The following MICAL3 variants were observed in gnomAD, a reference collection of about 807,000 sequenced individuals.
MICAL3 encodes the protein [F-actin]-monooxygenase MICAL3.
A neutral mutation model predicts 207.4 loss-of-function variants in MICAL3; 62 were observed. The observed-to-expected ratio is 0.30, with a 90% confidence interval of 0.24 to 0.37. MICAL3 has a LOEUF of 0.37. MICAL3 is among the 10% of genes least tolerant of loss of function. MICAL3 has a pLI of 1.00. For synonymous variants in MICAL3, 1,077 were observed against 1,069.3 expected (o/e 1.01, Z -0.14); for missense variants, 2,368 against 2,635.6 (o/e 0.90, Z 2.22).
At chr22:18,020,486 G>C (rs528201051) in intron 1 of MICAL3, among the ~76,000 whole-genome samples, 15 of 151,172 alleles carry the variant, frequency 9.9e-5, no homozygotes, top group African/African-American at 3.6e-4. Context: ...GTAGTTTGTT[G>C]TTTAAAATAA....
chr22:17,845,582 C>CA lies in MICAL3; in HGVS notation c.2606-3566dup, dbSNP rs11419033. ...GGAGGCATATGGAGTTAGCCGGCTG[C>CA]AAAAAAAAAACATTCTGTGAGGTAG... On this transcript the variant is annotated intron_variant, in intron 19 of 31. Coordinates refer to ENST00000441493, the MANE Select transcript of MICAL3 (RefSeq NM_015241.3). Among the ~76,000 whole-genome samples the CA allele has an allele frequency of 7.1e-3, 1,007 of 142,700 alleles. 2 individuals are homozygous for CA. Among genetic ancestry groups the CA allele is most frequent in the East Asian group, 0.038 (186 of 4,958 alleles). 93.6% of individuals were successfully genotyped at this position (142,700 alleles called of 152,430 possible).
chr22:17,904,979 C>T lies in MICAL3; in HGVS notation c.265-140G>A, dbSNP rs73386397. The stretch of plus-strand genomic sequence containing the variant: ...CACTGCCAAGAAACCTTCACACCTA[C>T]GTGGGTCACAGCAGAGCACCTGCCA... On this transcript the variant is annotated intron_variant, in intron 2 of 31. Transcript: ENST00000441493. 2,022 of 668,408 alleles carry T rather than the reference C, an allele frequency of 3.0e-3. 31 individuals carry two copies. The African/African-American group carries it at 0.033, about 11-fold the overall frequency. The allele number at this position is 668,408 out of a possible 1,614,324, so 41.4% of individuals were successfully genotyped here. A position where few individuals can be genotyped will look rare whatever the true frequency, so the allele number is the denominator to read the frequency against.
At chr22:17,846,996 C>T (rs1924697653) in intron 19 of MICAL3, among the ~76,000 whole-genome samples, 1 of 152,216 alleles carries the variant, frequency 6.6e-6, no homozygotes, top group South Asian at 2.1e-4. Context: ...CCTAACAGGA[C>T]AACCTGCTCT....
chr22:17,840,755 GGA>G (rs1923928720), intron 20 of MICAL3: 1 of 152,396 alleles, frequency 6.6e-6, no homozygotes, highest in Non-Finnish European at 1.5e-5. Flanking sequence ...GGCACAGTGG[GGA>G]GAGTGGGGCC....
intron 19 of MICAL3, among the ~76,000 whole-genome samples, chr22:17,849,775 A>G (rs1405837569): frequency 1.5e-5 from 2 of 134,376 alleles, no homozygotes; most frequent in African/African-American, 2.9e-5. Context: ...GCTCACTGCA[A>G]CCTCCATCTA....
At chr22:17,964,497 T>C (rs1422589337) in intron 1 of MICAL3, among the ~76,000 whole-genome samples, 1 of 152,218 alleles carries the variant, frequency 6.6e-6, no homozygotes, top group Non-Finnish European at 1.5e-5. Flanking sequence ...CATGTATCAC[T>C]GACCAACCCT....
Position 17,895,303 on chromosome 22 carries a change from T to C in MICAL3, c.1430A>G (p.Asn477Ser), listed in dbSNP as rs761008920. 2.0e-5 allele frequency: 32 copies of C among 1,613,616 alleles called. No homozygotes were observed. Among genetic ancestry groups the C allele is most frequent in the African/African-American group, 2.7e-5 (2 of 74,908 alleles). The change falls in exon 10 of 32, where the codon AAC becomes AGC. Residue 477 changes from asparagine to serine, a missense_variant. Asn to Ser is a conservative substitution (Grantham distance 46). This residue lies in a region of MICAL3 where 147 missense variants were observed against 137.7 expected (regional missense o/e 1.07). Coordinates refer to ENST00000441493, the MANE Select transcript of MICAL3 (RefSeq NM_015241.3). ...PVTRYPNINV[N>S]FLRPSQVRHL... is the part of the protein sequence containing the mutation. ...TCTTACCTGGCTTGGCCGGAGGAAG[T>C]TGACGTTGATATTGGGATACCGAGT...
At position 17,818,273 on chromosome 22, in the gene MICAL3, G is replaced by C. The variant is rs779594445; in HGVS notation, c.4388C>G (p.Pro1463Arg). The change falls in exon 26 of 32, where the codon CCA (proline) becomes CGA (arginine). Residue 1463 changes from proline to arginine, a missense_variant. This residue lies in a region of MICAL3 where 1,770 missense variants were observed against 1,863.2 expected (regional missense o/e 0.95). Transcript: ENST00000441493. ...GGTGGCGGGCTCCTCGCCCGGGGGT[G>C]GCGGTGGGGGCGGGCTGGAGGGGGG... ...LTPPSSPPPP[P>R]PPGEEPATLR... 19 of 1,508,752 alleles carry C rather than the reference G, an allele frequency of 1.3e-5. No individual in the cohort carries two copies. The East Asian group carries it at 4.7e-4, about 37-fold the overall frequency. The allele number at this position is 1,508,752 out of a possible 1,614,324, so 93.5% of individuals were successfully genotyped here. A position where few individuals can be genotyped will look rare whatever the true frequency, so the allele number is the denominator to read the frequency against.
chr22:17,898,040 C>A (rs1410289490), intron 7 of MICAL3, among the ~76,000 whole-genome samples: 2 of 151,690 alleles, frequency 1.3e-5, no homozygotes, highest in African/African-American at 4.9e-5. Context: ...ACTGTTTGCT[C>A]AATACTAAGT....
In MICAL3 at chr22:17,788,218, TCA is replaced by T. The variant is rs2061801614; in HGVS notation, c.*2512_*2513del. 1 of 152,270 alleles carries T rather than the reference TCA, an allele frequency of 6.6e-6. No homozygotes were observed. The highest frequency in any genetic ancestry group is 6.5e-5 in the Admixed American group (1 of 15,286). The allele number at this position is 152,270 out of a possible 1,614,324, so 9.4% of individuals were successfully genotyped here. On this transcript the variant is annotated 3_prime_UTR_variant, in exon 32 of 32. Transcript: ENST00000441493. ...AGTGCTCTACTAGAACTGGGTGTCC[TCA>T]CAGTCGGGAGCAGAAGGCTGGGGCG...
At chr22:17,940,028 G>A (rs1933735790) in intron 1 of MICAL3, among the ~76,000 whole-genome samples, 1 of 152,136 alleles carries the variant, frequency 6.6e-6, no homozygotes, top group Admixed American at 6.5e-5. Flanking sequence ...CCACTCCTAG[G>A]CCAGCCAGAA....
At chr22:17,926,013 C>T (rs527847863) in intron 1 of MICAL3, among the ~76,000 whole-genome samples, 41 of 152,196 alleles carry the variant, frequency 2.7e-4, no homozygotes, top group African/African-American at 8.2e-4. Flanking sequence ...AAAACATAAA[C>T]GCACAGGCAT....
At chr22:17,983,091 C>G (rs893554347) in intron 1 of MICAL3, 1 of 152,168 alleles carries the variant, frequency 6.6e-6, no homozygotes, top group African/African-American at 2.4e-5. Flanking sequence ...ACTGTTTTTT[C>G]TTTTTTTAGA....
chr22:17,866,668 T>TAGAATAGAATAGAATAGA (rs796572705), intron 17 of MICAL3, among the ~76,000 whole-genome samples: 1 of 81,958 alleles, frequency 1.2e-5, no homozygotes, highest in Non-Finnish European at 2.5e-5. Context: ...TAGAATAGAA[T>TAGAATAGAATAGAATAGA]ATAGAATAGA....
Position 17,865,085 on chromosome 22 carries a change from TTTTATTTATTTATTTATTTA to T in MICAL3, c.2518-119_2518-100del, listed in dbSNP as rs200555386. 5.3e-5 allele frequency: 31 copies of T among 584,152 alleles called. 4 individuals carry two copies. The highest frequency in any genetic ancestry group is 2.3e-4 in the South Asian group (3 of 12,940). 36.2% of individuals were successfully genotyped at this position (584,152 alleles called of 1,614,324 possible). Reference sequence around the variant, plus strand: ...GACAATCTGACACGCTGGTTTTAAATTTTATTTATTTATTTATTTATTTATTTATTTATTTATTTATTTAA... The same window carrying T: ...GACAATCTGACACGCTGGTTTTAAATTTTATTTATTTATTTATTTATTTAA... On this transcript the variant is annotated intron_variant, in intron 18 of 31. Coordinates refer to ENST00000441493, the MANE Select transcript of MICAL3 (RefSeq NM_015241.3).
intron 1 of MICAL3, among the ~76,000 whole-genome samples, chr22:17,968,505 T>C (rs74691438): frequency 2.0e-5 from 3 of 152,164 alleles, no homozygotes; most frequent in Non-Finnish European, 2.9e-5. Context: ...TCAGGCTACA[T>C]TTCCCCACCA....
At chr22:17,876,855 ATG>A (rs1465687474) in intron 16 of MICAL3, 7 of 143,234 alleles carry the variant, frequency 4.9e-5, no homozygotes, top group African/African-American at 1.7e-4. Context: ...TAGGGAGGTT[ATG>A]GAGGTTAGGG....
At chr22:18,013,387 C>T (rs949254036) in intron 1 of MICAL3, among the ~76,000 whole-genome samples, 2 of 152,166 alleles carry the variant, frequency 1.3e-5, no homozygotes, top group Non-Finnish European at 2.9e-5. Context: ...ATTTTTCTGT[C>T]ATTACTCCTG....
chr22:17,864,145 G>T lies in MICAL3; in HGVS notation c.2605+754C>A, dbSNP rs1175554496. ...AAATCTACATAATTCTTCCCAACAG[G>T]CCTGGTACCCACAAACCCTGCGAGT... On this transcript the variant is annotated intron_variant, in intron 19 of 31. Transcript: ENST00000441493. The T allele has an allele frequency of 6.1e-6, 6 of 988,410 alleles. No homozygotes were observed. The African/African-American group carries it at 1.0e-4, about 17-fold the overall frequency. The allele number at this position is 988,410 out of a possible 1,614,324, so 61.2% of individuals were successfully genotyped here. A position where few individuals can be genotyped will look rare whatever the true frequency, so the allele number is the denominator to read the frequency against.
Sources: gnomAD v4.1 joint callset for allele counts (sites outside exome capture counted in the v4.1 genomes callset) on GRCh38, gnomAD v4.1.1 for gene constraint, gnomAD v4.1.1 regional missense constraint, MANE v1.5 for transcripts, NCBI Gene and HGNC (gene_info 2026-07-23, HGNC 2026-07-21) for gene names.